The following AP3D1 variants were observed in gnomAD, a reference collection of about 807,000 sequenced individuals.
The protein encoded by AP3D1 is adaptor related protein complex 3 subunit delta 1, also known as AP-3 complex subunit delta-1.
Under a neutral mutation model 147.6 loss-of-function variants are expected in AP3D1, and 51 were observed. The observed-to-expected ratio is 0.35, with a 90% confidence interval of 0.28 to 0.44. AP3D1 has a LOEUF of 0.44. Among genes scored for constraint, AP3D1 ranks in the 20% least tolerant of loss-of-function variants. The pLI, the probability that AP3D1 is intolerant of heterozygous loss-of-function variation, is 1.00. For synonymous variants in AP3D1, 760 were observed against 663.0 expected (o/e 1.15, Z -2.25); for missense variants, 1,421 against 1,624.2 (o/e 0.87, Z 2.15).
Position 2,103,773 on chromosome 19 carries a change from C to T in AP3D1, c.3553-1505G>A, listed in dbSNP as rs563562872. 9.2e-5 allele frequency among the ~76,000 whole-genome samples: 14 copies of T among 152,278 alleles called. No homozygotes were observed. In the East Asian group the frequency reaches 2.1e-3, roughly 23 times the overall value. ...AGGCCCAGAGGCTCACAGCACTCCA[C>T]GGAAAACGACCAGGAGAATCCACTC... is the stretch of plus-strand genomic sequence containing the variant. On this transcript the variant is annotated intron_variant, in intron 31 of 31. Coordinates refer to ENST00000643116, the MANE Select transcript of AP3D1 (RefSeq NM_001261826.3).
chr19:2,158,038 C>G (rs1449453881), intron 1 of AP3D1, among the ~76,000 whole-genome samples: 1 of 151,898 alleles, frequency 6.6e-6, no homozygotes, highest in African/African-American at 2.4e-5. Context: ...TTTTTCTTCC[C>G]TCCACGGCTC....
At chr19:2,137,235 G>A (rs1599483943) in intron 3 of AP3D1, 144 bp from the exon 4 acceptor site, 7 of 676,850 alleles carry the variant, frequency 1.0e-5, no homozygotes, top group Admixed American at 5.1e-5. Context: ...CCAGCAAGTG[G>A]GAACCAACCC....
chr19:2,116,681 C>G lies in AP3D1; in HGVS notation c.1925G>C (p.Arg642Thr). ...SDSESEDERP[R>T]AVFHEEEQRR... ...CTGCTCCTCCTCGTGGAAGACGGCC[C>G]TGGGCCTCTCGTCCTCTGACTCGCT... Residue 642 changes from arginine (R) to threonine (T), a missense_variant, in exon 17 of 32, where the codon AGG (arginine) becomes ACG (threonine). This residue lies in a region of AP3D1 where 791 missense variants were observed against 761.4 expected (regional missense o/e 1.04). Coordinates refer to ENST00000643116, the MANE Select transcript of AP3D1 (RefSeq NM_001261826.3). The G allele has an allele frequency of 6.2e-7, 1 of 1,609,652 alleles. No individual in the cohort carries two copies. Among genetic ancestry groups the G allele is most frequent in the Non-Finnish European group, 8.5e-7 (1 of 1,178,356 alleles).
In AP3D1 at chr19:2,115,433, C is replaced by T. The variant is rs564317890; in HGVS notation, c.2150-15G>A. ...CATAGGCAGCCCTGCGGGCCGGCAG[C>T]GGGCAGCCACTCAGCACTGCACCCC... On this transcript the variant is annotated splice_polypyrimidine_tract_variant and intron_variant, in intron 19 of 31. Transcript: ENST00000643116. 4.9e-5 allele frequency: 79 copies of T among 1,607,500 alleles called. No individual in the cohort carries two copies. The highest frequency in any genetic ancestry group is 4.1e-4 in the South Asian group (37 of 91,038).
chr19:2,141,942 A>G (rs915939710), intron 1 of AP3D1, among the ~76,000 whole-genome samples: 5 of 149,586 alleles, frequency 3.3e-5, no homozygotes, highest in African/African-American at 1.2e-4. Flanking sequence ...ATATTTATAT[A>G]TATTTATTTT....
At chr19:2,155,902 A>C (rs1378687752), upstream of AP3D1, among the ~76,000 whole-genome samples, 1 of 151,796 alleles carries the variant, frequency 6.6e-6, no homozygotes, top group Non-Finnish European at 1.5e-5. Flanking sequence ...AATACAAAAA[A>C]ATTAGCCCGG....
chr19:2,105,972 C>G (rs1368467568), intron 31 of AP3D1, among the ~76,000 whole-genome samples: 1 of 152,152 alleles, frequency 6.6e-6, no homozygotes, highest in Non-Finnish European at 1.5e-5. Flanking sequence ...TCGTGGGCAC[C>G]TGTAATCCCA....
chr19:2,127,944 T>C (rs967402844), intron 8 of AP3D1, among the ~76,000 whole-genome samples: 2 of 152,252 alleles, frequency 1.3e-5, no homozygotes, highest in African/African-American at 2.4e-5. Flanking sequence ...CCACGCGCCA[T>C]AGCCTAGGAG....
chr19:2,111,925 A>G (rs2018293577), intron 24 of AP3D1, 97 bp from the exon 25 acceptor site: 5 of 1,575,478 alleles, frequency 3.2e-6, no homozygotes, highest in Non-Finnish European at 4.3e-6. Context: ...GCTCAGGCTG[A>G]GGGTCCCACG....
chr19:2,112,623 A>C, intron 24 of AP3D1: 2 of 462,476 alleles, frequency 4.3e-6, no homozygotes, highest in Admixed American at 3.9e-5. Context: ...ACAGAAAACC[A>C]CTGTATACAT....
In AP3D1 at chr19:2,102,544, G is replaced by C. The variant is rs141494805; in HGVS notation, c.3553-276C>G. Among the ~76,000 whole-genome samples, 18,916 of 151,886 alleles carry C rather than the reference G, an allele frequency of 0.12. 1,299 individuals carry two copies. The highest frequency in any genetic ancestry group is 0.16 in the Non-Finnish European group (10,692 of 67,948). Reference sequence around the variant, plus strand: ...GATATTGAGACCATCCTGGCTAACAGGGTGAAACCCCGTCTCTACTAAAAA... The same window carrying C: ...GATATTGAGACCATCCTGGCTAACACGGTGAAACCCCGTCTCTACTAAAAA... On this transcript the variant is annotated intron_variant, in intron 31 of 31. Transcript: ENST00000643116.
intron 1 of AP3D1, among the ~76,000 whole-genome samples, chr19:2,142,772 TTTTA>T (rs1225831468): frequency 6.6e-6 from 1 of 151,548 alleles, no homozygotes; most frequent in Non-Finnish European, 1.5e-5. Flanking sequence ...TTTTTTCTTT[TTTTA>T]TTTGAGACAG....
At chr19:2,106,639 C>T (rs1394193443) in intron 31 of AP3D1, among the ~76,000 whole-genome samples, 1 of 152,164 alleles carries the variant, frequency 6.6e-6, no homozygotes, top group African/African-American at 2.4e-5. Flanking sequence ...GCACAATTCA[C>T]AACAGCCAGA....
intron 1 of AP3D1, among the ~76,000 whole-genome samples, chr19:2,147,036 T>C (rs542612093): frequency 4.1e-5 from 6 of 144,922 alleles, no homozygotes; most frequent in Non-Finnish European, 7.7e-5. Context: ...CTGACGTTAT[T>C]AAAAGGAGAG....
chr19:2,123,743 G>C (rs1484012682), intron 10 of AP3D1, 87 bp downstream of exon 10: 5 of 1,481,524 alleles, frequency 3.4e-6, no homozygotes, highest in Non-Finnish European at 4.6e-6. Context: ...CAGCACCTTG[G>C]TCACAGGGTG....
intron 24 of AP3D1, 51 bp from the exon 25 acceptor site, chr19:2,111,879 C>T: frequency 6.2e-7 from 1 of 1,608,602 alleles, no homozygotes; most frequent in East Asian, 2.2e-5. Context: ...CCAGCACGCC[C>T]CCATCACAGT....
rs1363351832 is a variant in AP3D1, at chr19:2,139,096, C to A, written c.97-382G>T. Among the ~76,000 whole-genome samples, 7 of 148,516 alleles carry A rather than the reference C, an allele frequency of 4.7e-5. No homozygotes were observed. In the East Asian group the frequency reaches 1.4e-3, roughly 29 times the overall value. ...AAAAAAAAAAAAAAAAGGAAAGAAGCCAGGCATAAGAGAGAGCACACCGTG... is the reference window on the plus strand; with the variant it reads ...AAAAAAAAAAAAAAAAGGAAAGAAGACAGGCATAAGAGAGAGCACACCGTG... On this transcript the variant is annotated intron_variant, in intron 1 of 31. Transcript: ENST00000643116.
chr19:2,156,253 C>A (rs1424729926), upstream of AP3D1, among the ~76,000 whole-genome samples: 1 of 152,054 alleles, frequency 6.6e-6, no homozygotes, highest in Non-Finnish European at 1.5e-5. Flanking sequence ...GAGATGGGGA[C>A]ATTTGTCATC....
chr19:2,129,640 G>A (rs922899242), intron 6 of AP3D1, among the ~76,000 whole-genome samples, 183 bp from the exon 7 acceptor site: 3 of 152,198 alleles, frequency 2.0e-5, no homozygotes, highest in African/African-American at 7.2e-5. Flanking sequence ...CCAGGGAACA[G>A]GCCACAGCAG....
Sources: gnomAD v4.1 joint callset for allele counts (sites outside exome capture counted in the v4.1 genomes callset) on GRCh38, gnomAD v4.1.1 for gene constraint, gnomAD v4.1.1 regional missense constraint, MANE v1.5 for transcripts, NCBI Gene and HGNC (gene_info 2026-07-23, HGNC 2026-07-21) for gene names.